The following LTBP4 variants were observed in gnomAD, a reference collection of about 807,000 sequenced individuals.
LTBP4 encodes latent transforming growth factor beta binding protein 4.
LTBP4 carries 93 observed loss-of-function variants against 180.2 expected under a neutral mutation model. The ratio of observed to expected loss-of-function variants is 0.52; its 90% CI spans 0.44 to 0.61. The LOEUF is 0.61. LTBP4 is among the 20% of genes least tolerant of loss of function. LTBP4 has a pLI of 0.00. For synonymous variants in LTBP4, 947 were observed against 934.5 expected (o/e 1.01, Z -0.24); for missense variants, 2,116 against 2,256.5 (o/e 0.94, Z 1.26).
chr19:40,603,612 T>C (rs2081438558), intron 1 of LTBP4, among the ~76,000 whole-genome samples: 1 of 152,212 alleles, frequency 6.6e-6, no homozygotes, highest in Admixed American at 6.5e-5. Context: ...TGCCCTTTAG[T>C]CGATCTCCTC....
At chr19:40,599,766 T>C (rs1213585300), upstream of LTBP4, 8 of 587,200 alleles carry the variant, frequency 1.4e-5, no homozygotes, top group Non-Finnish European at 9.0e-6. Flanking sequence ...TCTGTCTCTT[T>C]CTGTTTCTTT....
At chr19:40,627,493 T>C in intron 28 of LTBP4, 138 bp downstream of exon 28, 3 of 1,302,668 alleles carry the variant, frequency 2.3e-6, no homozygotes, top group Non-Finnish European at 3.1e-6. Flanking sequence ...GACAGAGAAG[T>C]GTCTATAGCC....
chr19:40,624,202 A>G (rs1021884889), intron 26 of LTBP4, 120 bp downstream of exon 26: 1 of 1,192,778 alleles, frequency 8.4e-7, no homozygotes, highest in African/African-American at 1.5e-5. Flanking sequence ...TCCTGGCTCG[A>G]CCACGCCCCA....
At chr19:40,627,670 G>A (rs1351716624) in intron 28 of LTBP4, 35 bp from the exon 29 acceptor site, 15 of 1,561,436 alleles carry the variant, frequency 9.6e-6, no homozygotes, top group Non-Finnish European at 1.2e-5. Context: ...TGAAGGCAGG[G>A]ACCTCAAGTC....
upstream of LTBP4, chr19:40,600,161 C>G (rs927231701): frequency 1.1e-5 from 14 of 1,255,120 alleles, no homozygotes; most frequent in African/African-American, 1.5e-5. This position sits in a 1 kb window ranked among gnomAD's most constrained non-coding sequence, Gnocchi z 4.4. Flanking sequence ...AGCGTGCCCC[C>G]GCTGGCAAGG....
chr19:40,614,961 C>T (rs2081536548), intron 19 of LTBP4, among the ~76,000 whole-genome samples: 1 of 152,186 alleles, frequency 6.6e-6, no homozygotes, highest in African/African-American at 2.4e-5. Context: ...TTAAGCTCTG[C>T]CCTTCCTTGG....
chr19:40,599,853 C>A (rs1180310769), upstream of LTBP4: 5 of 518,238 alleles, frequency 9.6e-6, no homozygotes, highest in Non-Finnish European at 1.4e-5. Flanking sequence ...GTCTCTCTGC[C>A]CCTTCTCTCT....
chr19:40,601,427 G>A lies in LTBP4; in HGVS notation c.40G>A (p.Val14Met). ...GCGGCTGCTCTGGGTGTCGCTATTG[G>A]TGCTGCTGGCGCAGCTAGGGCCGCA... ...GVRLLWVSLL[V>M]LLAQLGPQPG... Residue 14 changes from valine (V) to methionine (M), a missense_variant, in exon 1 of 30, where the codon GTG (valine) becomes ATG (methionine). Transcript: ENST00000396819. The A allele has an allele frequency of 6.9e-7, 1 of 1,449,338 alleles. No homozygotes were observed. The highest frequency in any genetic ancestry group is 9.1e-7 in the Non-Finnish European group (1 of 1,102,376). 89.8% of individuals were successfully genotyped at this position (1,449,338 alleles called of 1,614,324 possible).
intron 19 of LTBP4, among the ~76,000 whole-genome samples, chr19:40,614,710 A>C (rs2081534559): frequency 6.6e-6 from 1 of 151,842 alleles, no homozygotes; most frequent in Non-Finnish European, 1.5e-5. Context: ...CTATGCCCCC[A>C]GTAAGACACC....
chr19:40,609,054 G>T lies in LTBP4; in HGVS notation c.1426+451G>T. On this transcript the variant is annotated intron_variant, in intron 9 of 29. Coordinates refer to ENST00000396819, the MANE Select transcript of LTBP4 (RefSeq NM_001042545.2). This position sits in a 1 kb window ranked among gnomAD's most constrained non-coding sequence, Gnocchi z 4.9. ...CGTTTGAAGGGTTGGGTGGTAGTTA[G>T]ATCAGGAGCTGGAGTCACAGTTGGG... The T allele has an allele frequency of 5.4e-6, 1 of 185,394 alleles. No homozygotes were observed. Among genetic ancestry groups the T allele is most frequent in the Non-Finnish European group, 1.1e-5 (1 of 87,980 alleles). The allele number at this position is 185,394 out of a possible 1,614,324, so 11.5% of individuals were successfully genotyped here.
At chr19:40,614,529 C>A in intron 19 of LTBP4, 83 bp downstream of exon 19, 1 of 1,499,214 alleles carries the variant, frequency 6.7e-7, no homozygotes, top group East Asian at 2.4e-5. Context: ...GAGGGGCGCC[C>A]TGCTTCCCAG....
Position 40,609,670 on chromosome 19 carries a change from G to T in LTBP4, c.1558+9G>T, listed in dbSNP as rs563243559. On this transcript the variant is annotated intron_variant, in intron 10 of 29. Coordinates refer to ENST00000396819, the MANE Select transcript of LTBP4 (RefSeq NM_001042545.2). The surrounding 1 kb of genome is among the most constrained non-coding windows in gnomAD (Gnocchi z 4.9). ...GGGCACCCGATGCATTGGTGAGCAA[G>T]ACGGAGGGCGCGGAAGGAGGCGGGG... is the stretch of plus-strand genomic sequence containing the variant. The T allele has an allele frequency of 1.9e-6, 3 of 1,612,602 alleles. No individual in the cohort carries two copies. The highest frequency in any genetic ancestry group is 3.3e-5 in the Admixed American group (2 of 59,970).
chr19:40,601,506 T>C lies in LTBP4; in HGVS notation c.119T>C (p.Val40Ala), dbSNP rs753118571. Residue 40 changes from valine to alanine, a missense_variant, in exon 1 of 30, where the codon GTG (valine) becomes GCG (alanine). Val to Ala is a moderately conservative substitution (Grantham distance 64). Transcript: ENST00000396819. ...ERLRVRFTPV[V>A]CGLRCVHGPT... ...CTCCGCGTGCGCTTCACCCCGGTCG[T>C]GTGCGGCCTGCGCTGCGTCCATGGG... is the stretch of plus-strand genomic sequence containing the variant. The C allele has an allele frequency of 4.7e-6, 7 of 1,498,290 alleles. No homozygotes were observed. The highest frequency in any genetic ancestry group is 4.4e-6 in the Non-Finnish European group (5 of 1,130,662). The allele number at this position is 1,498,290 out of a possible 1,614,324, so 92.8% of individuals were successfully genotyped here.
intron 26 of LTBP4, among the ~76,000 whole-genome samples, chr19:40,625,316 A>ATATATATATATATTTT (rs1568414647): frequency 9.1e-5 from 2 of 21,932 alleles, no homozygotes; most frequent in Non-Finnish European, 1.6e-4. Flanking sequence ...ATATATATAT[A>ATATATATATATATTTT]TTTTTTTTTT....
At chr19:40,617,643 CA>C (rs56053315) in intron 21 of LTBP4, among the ~76,000 whole-genome samples, 246 of 118,722 alleles carry the variant, frequency 2.1e-3, no homozygotes, top group South Asian at 3.8e-3. Flanking sequence ...GACCCTGTCT[CA>C]AAAAAAAAAA....
chr19:40,606,263 G>A lies in LTBP4; in HGVS notation c.824G>A (p.Gly275Glu), dbSNP rs1020452769. ...GNSERVSAPD[G>E]PCPTGFERVN... ...TCCGAAAGAGTGAGCGCCCCAGATG[G>A]ACCTTGTCCAACCGGCTTTGAAAGA... The change falls in exon 5 of 30, where the codon GGA becomes GAA. Residue 275 changes from glycine (G) to glutamate (E), a missense_variant. Coordinates refer to ENST00000396819, the MANE Select transcript of LTBP4 (RefSeq NM_001042545.2). 6.3e-7 allele frequency: 1 copy of A among 1,598,332 alleles called. No homozygotes were observed. Among genetic ancestry groups the A allele is most frequent in the Non-Finnish European group, 8.5e-7 (1 of 1,172,462 alleles).
At chr19:40,599,602 C>T, upstream of LTBP4, 1 of 1,571,000 alleles carries the variant, frequency 6.4e-7, no homozygotes, top group Non-Finnish European at 8.6e-7. Flanking sequence ...TCAGGAACTC[C>T]TAGCTTTGCC....
At chr19:40,620,550 A>G (rs530150893) in intron 22 of LTBP4, among the ~76,000 whole-genome samples, 1 of 151,710 alleles carries the variant, frequency 6.6e-6, no homozygotes, top group South Asian at 2.1e-4. Context: ...CCAAGGCGGG[A>G]GGATCACCTG....
rs2081451730 is a variant in LTBP4, at chr19:40,605,357, C to A, written c.443-48C>A. 1 of 1,605,736 alleles carries A rather than the reference C, an allele frequency of 6.2e-7. No homozygotes were observed. The highest frequency in any genetic ancestry group is 1.1e-5 in the South Asian group (1 of 90,426). On this transcript the variant is annotated intron_variant, in intron 2 of 29. Transcript: ENST00000396819. The surrounding 1 kb of genome is among the most constrained non-coding windows in gnomAD (Gnocchi z 5.5). ...CTCCCCGCCTTGTCTAGCCCCACCC[C>A]GTAAGAACCCGTGTAGACATCCGTT...
Sources: allele counts gnomAD v4.1 joint callset (sites outside exome capture counted in the v4.1 genomes callset), GRCh38; gene constraint gnomAD v4.1.1; non-coding constraint Gnocchi (gnomAD v3.1); transcripts MANE v1.5; gene names NCBI Gene and HGNC (gene_info 2026-07-23, HGNC 2026-07-21).